DRG2: variants seen among roughly 807,000 people sequenced by gnomAD.
DRG2 encodes the protein developmentally regulated GTP binding protein 2, also known as developmentally-regulated GTP-binding protein 2.
In DRG2, 36 loss-of-function variants were observed where a neutral mutation model predicts 53.4. The observed-to-expected ratio is 0.67, with a 90% CI of 0.52 to 0.89. DRG2 has a LOEUF of 0.89. Ranked by LOEUF, DRG2 falls within the 40% of genes least tolerant of loss-of-function variation. The probability of loss-of-function intolerance (pLI) is 0.00; values close to 1 mark genes in which losing one functional copy is unlikely to be tolerated. For missense variants in DRG2, 342 were observed against 481.2 expected, an observed-to-expected ratio of 0.71 and a Z score of 2.71; for synonymous variants, 167 against 192.1, an observed-to-expected ratio of 0.87 and a Z score of 1.08.
rs558844284 is a variant in DRG2 at position 18,100,291 on chromosome 17, C to T, written c.468-72C>T. 7.0e-5 allele frequency: 106 copies of T among 1,508,438 alleles called. No individual in the cohort carries two copies. The highest frequency in any genetic ancestry group is 9.4e-5 in the Non-Finnish European group (102 of 1,085,618). 93.4% of individuals were successfully genotyped at this position (1,508,438 alleles called of 1,614,324 possible). Reference sequence around the variant, plus strand: ...CAGTCTCTGGGTGGGCAGTGACATCCTGCGTAACAGGGAAGCTGTGCATCT... The same window carrying T: ...CAGTCTCTGGGTGGGCAGTGACATCTTGCGTAACAGGGAAGCTGTGCATCT... On this transcript the variant is annotated intron_variant, in intron 5 of 12. Coordinates refer to ENST00000225729, the MANE Select transcript of DRG2 (RefSeq NM_001388.5). The surrounding 1 kb of genome is among the most constrained non-coding windows in gnomAD (Gnocchi z 4.1).
intron 10 of DRG2, 128 bp downstream of exon 10, chr17:18,104,017 C>G: frequency 1.1e-6 from 1 of 870,694 alleles, no homozygotes; most frequent in South Asian, 1.5e-5. Context: ...CACCTCAGCT[C>G]TTTTCCCTTC....
intron 2 of DRG2, chr17:18,095,452 T>A (rs2045418054): frequency 7.4e-6 from 1 of 135,898 alleles, no homozygotes; most frequent in Non-Finnish European, 1.5e-5. Context: ...TGGAGTACAA[T>A]GGCACGATCT....
Position 18,100,140 on chromosome 17 carries a change from C to T in DRG2, c.468-223C>T. The T allele has an allele frequency of 1.7e-6, 1 of 604,284 alleles. No individual in the cohort carries two copies. The highest frequency in any genetic ancestry group is 2.0e-5 in the South Asian group (1 of 50,636). 37.4% of individuals were successfully genotyped at this position (604,284 alleles called of 1,614,324 possible). On this transcript the variant is annotated intron_variant, in intron 5 of 12. Transcript: ENST00000225729. The surrounding 1 kb of genome is among the most constrained non-coding windows in gnomAD (Gnocchi z 4.1). Reference sequence around the variant, plus strand: ...GCGGGGGCTCCACCACTTGCCTGTGCATGCCGACCGTAAACCGGGCCAGTC... The same window carrying T: ...GCGGGGGCTCCACCACTTGCCTGTGTATGCCGACCGTAAACCGGGCCAGTC...
chr17:18,104,773 G>A, intron 11 of DRG2, 92 bp downstream of exon 11: 1 of 1,592,752 alleles, frequency 6.3e-7, no homozygotes, highest in South Asian at 1.1e-5. Flanking sequence ...GCTGGGGGTG[G>A]GCTCTGCTGG....
At position 18,088,009 on chromosome 17, in the gene DRG2, A is replaced by G; in HGVS notation, c.-15A>G. 6.5e-7 allele frequency: 1 copy of G among 1,546,344 alleles called. No individual in the cohort carries two copies. Among genetic ancestry groups the G allele is most frequent in the South Asian group, 1.2e-5 (1 of 83,320 alleles). On this transcript the variant is annotated 5_prime_UTR_variant, in exon 1 of 13. Coordinates refer to ENST00000225729, the MANE Select transcript of DRG2 (RefSeq NM_001388.5). ...CGCCGCCACCGCTGTCTGTGCGCCC[A>G]CCTCTGCTGCTACCATGGGGATCTT...
Position 18,106,588 on chromosome 17 carries a change from CT to C in DRG2, c.1008+104del, listed in dbSNP as rs2045637830. ...ACACTCTCTGCGTGGTGTTCCTGTC[CT>C]TCCTGTGGGGATTGGCATGTCTGTG... On this transcript the variant is annotated intron_variant, in intron 12 of 12. Transcript: ENST00000225729. The C allele has an allele frequency of 6.7e-6, 9 of 1,341,466 alleles. No homozygotes were observed. In the East Asian group the frequency reaches 2.1e-4, roughly 32 times the overall value. 83.1% of individuals were successfully genotyped at this position (1,341,466 alleles called of 1,614,324 possible).
chr17:18,105,265 G>T (rs2045609497), intron 11 of DRG2, among the ~76,000 whole-genome samples: 1 of 152,150 alleles, frequency 6.6e-6, no homozygotes, highest in African/African-American at 2.4e-5. Context: ...GGCACAGATG[G>T]TGGCCAACCT....
intron 11 of DRG2, 94 bp downstream of exon 11, chr17:18,104,775 C>A: frequency 6.3e-7 from 1 of 1,583,470 alleles, no homozygotes. Flanking sequence ...TGGGGGTGGG[C>A]TCTGCTGGTC....
intron 1 of DRG2, among the ~76,000 whole-genome samples, chr17:18,090,030 G>A (rs1327770050): frequency 6.6e-6 from 1 of 151,934 alleles, no homozygotes; most frequent in Non-Finnish European, 1.5e-5. Context: ...AAGACCCAAG[G>A]AAAGTCACAG....
chr17:18,106,106 A>G (rs1415343021), intron 11 of DRG2: 3 of 380,690 alleles, frequency 7.9e-6, no homozygotes, highest in African/African-American at 6.1e-5. Context: ...GTCCCATTCT[A>G]AAGGAGCATC....
At chr17:18,102,831 G>A (rs1181840040) in intron 9 of DRG2, among the ~76,000 whole-genome samples, 1 of 152,092 alleles carries the variant, frequency 6.6e-6, no homozygotes, top group South Asian at 2.1e-4. Flanking sequence ...CTGGGGTACC[G>A]CCTGCACTCT....
rs2045471165 is a variant in DRG2, at chr17:18,098,447, G to T, written c.315+88G>T. Reference sequence around the variant, plus strand: ...GTGCCCACCCTGTGTGTGAGTCTGGGTGGATGTCCCCATGTCAGGACAGGC... The same window carrying T: ...GTGCCCACCCTGTGTGTGAGTCTGGTTGGATGTCCCCATGTCAGGACAGGC... On this transcript the variant is annotated intron_variant, in intron 3 of 12. Transcript: ENST00000225729. The surrounding 1 kb of genome is among the most constrained non-coding windows in gnomAD (Gnocchi z 4.1). The T allele has an allele frequency of 4.1e-6, 5 of 1,210,206 alleles. No individual in the cohort carries two copies. The Admixed American group carries it at 6.8e-5, about 17-fold the overall frequency. The allele number at this position is 1,210,206 out of a possible 1,614,324, so 75.0% of individuals were successfully genotyped here.
rs140494271 is a variant in DRG2, at chr17:18,104,642, C to T, written c.915C>T (p.Asp305=). The change falls in exon 11 of 13, where the codon GAC becomes GAT. Residue 305 remains aspartate, a synonymous_variant. Transcript: ENST00000225729. The part of the protein sequence containing the change: ...KKRGQRPDFT[D]AIILRKGASV... The stretch of plus-strand genomic sequence containing the variant: ...CTGCAGAGAGGCCAGACTTCACAGA[C>T]GCCATCATTCTCCGGAAAGGGGCCT... The T allele has an allele frequency of 2.1e-5, 34 of 1,613,766 alleles. No homozygotes were observed. The highest frequency in any genetic ancestry group is 3.3e-4 in the Middle Eastern group (2 of 6,084).
In DRG2 at chr17:18,099,567, G is replaced by A. The variant is rs534320794; in HGVS notation, c.377-66G>A. Reference sequence around the variant, plus strand: ...GGTCTGTAAAGGACAGGAGTCCAGGGCGCCGTGGGCTGGGTAGCAGTCACA... The same window carrying A: ...GGTCTGTAAAGGACAGGAGTCCAGGACGCCGTGGGCTGGGTAGCAGTCACA... On this transcript the variant is annotated intron_variant, in intron 4 of 12. Coordinates refer to ENST00000225729, the MANE Select transcript of DRG2 (RefSeq NM_001388.5). This position sits in a 1 kb window ranked among gnomAD's most constrained non-coding sequence, Gnocchi z 4.4. 554 of 1,520,688 alleles carry A rather than the reference G, an allele frequency of 3.6e-4. No individual in the cohort carries two copies. The highest frequency in any genetic ancestry group is 4.7e-4 in the Non-Finnish European group (527 of 1,118,452). 94.2% of individuals were successfully genotyped at this position (1,520,688 alleles called of 1,614,324 possible).
At chr17:18,097,844 C>T (rs2045459171) in intron 2 of DRG2, 1 of 154,786 alleles carries the variant, frequency 6.5e-6, no homozygotes, top group Non-Finnish European at 1.4e-5. Context: ...AGGTTGACAT[C>T]TCCTTGCACA....
At chr17:18,101,440 A>T in intron 7 of DRG2, 53 bp from the exon 8 acceptor site, 2 of 1,578,638 alleles carry the variant, frequency 1.3e-6, no homozygotes, top group Non-Finnish European at 1.7e-6. Flanking sequence ...CCCTCCGCTG[A>T]TGGGGGACAG....
chr17:18,099,784 G>T lies in DRG2; in HGVS notation c.467+61G>T, dbSNP rs2045497216. 1 of 1,517,668 alleles carries T rather than the reference G, an allele frequency of 6.6e-7. No homozygotes were observed. Among genetic ancestry groups the T allele is most frequent in the Non-Finnish European group, 9.0e-7 (1 of 1,116,400 alleles). The allele number at this position is 1,517,668 out of a possible 1,614,324, so 94.0% of individuals were successfully genotyped here. A position where few individuals can be genotyped will look rare whatever the true frequency, so the allele number is the denominator to read the frequency against. On this transcript the variant is annotated intron_variant, in intron 5 of 12. Coordinates refer to ENST00000225729, the MANE Select transcript of DRG2 (RefSeq NM_001388.5). This position sits in a 1 kb window ranked among gnomAD's most constrained non-coding sequence, Gnocchi z 4.4. ...CTGGGGAGGGCCAATGTGTCCCTGA[G>T]CTCGTACTAGGCGGCCTGTGGGTGT...
chr17:18,097,115 G>A (rs760222008), intron 2 of DRG2: 1 of 152,162 alleles, frequency 6.6e-6, no homozygotes, highest in Non-Finnish European at 1.5e-5. Context: ...AGGTCTTACA[G>A]GGGCCAGACA....
At chr17:18,088,792 G>A (rs1297985045) in intron 1 of DRG2, among the ~76,000 whole-genome samples, 1 of 152,208 alleles carries the variant, frequency 6.6e-6, no homozygotes, top group Non-Finnish European at 1.5e-5. Context: ...GTAAGGGCTG[G>A]AGGAGCTCAC....
Sources: gnomAD v4.1 joint callset for allele counts (sites outside exome capture counted in the v4.1 genomes callset) on GRCh38, gnomAD v4.1.1 for gene constraint, Gnocchi (gnomAD v3.1) non-coding constraint, MANE v1.5 for transcripts, NCBI Gene and HGNC (gene_info 2026-07-23, HGNC 2026-07-21) for gene names.